Variants in ENTREP2 observed in about 807,000 individuals in gnomAD.
ENTREP2 encodes the protein protein ENTREP2.
chr15:29,443,179 G>A, the ENTREP2 span, among the ~76,000 whole-genome samples: 1 of 152,204 alleles, frequency 6.6e-6, no homozygotes, highest in Admixed American at 6.5e-5. Flanking sequence ...CACCACTCCT[G>A]TGGTCACTCT....
chr15:29,300,602 T>C, the ENTREP2 span, among the ~76,000 whole-genome samples: 1 of 152,154 alleles, frequency 6.6e-6, no homozygotes, highest in African/African-American at 2.4e-5. Context: ...CAGAACATAG[T>C]CTTTTTTTTC....
chr15:29,207,037 G>A, the ENTREP2 span, among the ~76,000 whole-genome samples: 1 of 152,032 alleles, frequency 6.6e-6, no homozygotes, highest in South Asian at 2.1e-4. Context: ...CCACTTTCCC[G>A]CGAGTGGCTC....
At chr15:29,380,683 G>A in the ENTREP2 span, among the ~76,000 whole-genome samples, 1 of 152,080 alleles carries the variant, frequency 6.6e-6, no homozygotes, top group Non-Finnish European at 1.5e-5. Context: ...GGCAATTCAA[G>A]TAACTCTTTT....
chr15:29,201,881 C>T, the ENTREP2 span, among the ~76,000 whole-genome samples: 1 of 152,106 alleles, frequency 6.6e-6, no homozygotes, highest in Non-Finnish European at 1.5e-5. Context: ...ATAGAATTCT[C>T]CAGTGAAACC....
the ENTREP2 span, among the ~76,000 whole-genome samples, chr15:29,659,768 C>T: frequency 2.0e-5 from 3 of 151,654 alleles, no homozygotes; most frequent in South Asian, 2.1e-4. Context: ...TTTTTATTAC[C>T]GTATGATATT....
the ENTREP2 span, among the ~76,000 whole-genome samples, chr15:29,577,689 C>A: frequency 6.6e-6 from 1 of 152,102 alleles, no homozygotes; most frequent in African/African-American, 2.4e-5. Flanking sequence ...ACCAAGTGTC[C>A]ATCCTTGGAT....
At chr15:29,570,663 G>C in the ENTREP2 span, 1 of 1,292,594 alleles carries the variant, frequency 7.7e-7, no homozygotes, top group Non-Finnish European at 9.8e-7. Flanking sequence ...TCGCGCAGGC[G>C]GGACAGGCTG....
chr15:29,499,034 C>T, the ENTREP2 span, among the ~76,000 whole-genome samples: 1 of 152,110 alleles, frequency 6.6e-6, no homozygotes, highest in African/African-American at 2.4e-5. Flanking sequence ...TTATGTATGT[C>T]TTTAAAGTTG....
the ENTREP2 span, among the ~76,000 whole-genome samples, chr15:29,380,955 A>G: frequency 0.29 from 43,693 of 149,904 alleles, 6,819 homozygotes; most frequent in African/African-American, 0.41. Flanking sequence ...GGGTTCAAGC[A>G]ATTCTCCTGC....
At chr15:29,325,532 T>G in the ENTREP2 span, among the ~76,000 whole-genome samples, 3 of 152,108 alleles carry the variant, frequency 2.0e-5, no homozygotes, top group African/African-American at 7.2e-5. Flanking sequence ...AACATACAAA[T>G]GACCAAAACT....
chr15:29,431,343 T>C, the ENTREP2 span, among the ~76,000 whole-genome samples: 1 of 152,186 alleles, frequency 6.6e-6, no homozygotes, highest in Non-Finnish European at 1.5e-5. Flanking sequence ...ATCTAAAATT[T>C]TGATGAAACA....
chr15:29,222,891 G>A, the ENTREP2 span, among the ~76,000 whole-genome samples: 3 of 152,228 alleles, frequency 2.0e-5, no homozygotes, highest in African/African-American at 4.8e-5. Context: ...TTAAGTTTTT[G>A]TCTGGTCTCT....
chr15:29,286,648 C>T, the ENTREP2 span, among the ~76,000 whole-genome samples: 1 of 152,228 alleles, frequency 6.6e-6, no homozygotes, highest in Non-Finnish European at 1.5e-5. Flanking sequence ...CCACGGTCCC[C>T]ACTGTAGTGC....
the ENTREP2 span, among the ~76,000 whole-genome samples, chr15:29,365,935 A>G: frequency 3.3e-5 from 5 of 152,152 alleles, no homozygotes; most frequent in Non-Finnish European, 5.9e-5. Flanking sequence ...CCCAGCATTC[A>G]CGCTGAAACA....
chr15:29,447,373 C>G, the ENTREP2 span, among the ~76,000 whole-genome samples: 623 of 152,330 alleles, frequency 4.1e-3, 2 homozygotes, highest in African/African-American at 0.014. Context: ...GTACAGGGAG[C>G]TCTGCATAGC....
the ENTREP2 span, among the ~76,000 whole-genome samples, chr15:29,390,473 G>A: frequency 6.6e-6 from 1 of 152,318 alleles, no homozygotes; most frequent in Middle Eastern, 3.4e-3. Flanking sequence ...TCAAGGAGAG[G>A]AGGCCGAACC....
chr15:29,479,835 T>C, the ENTREP2 span, among the ~76,000 whole-genome samples: 1 of 152,028 alleles, frequency 6.6e-6, no homozygotes, highest in Non-Finnish European at 1.5e-5. Flanking sequence ...AGAGAAAGGA[T>C]GTGAGGTCTG....
chr15:29,655,387 C>T, the ENTREP2 span, among the ~76,000 whole-genome samples: 1 of 152,166 alleles, frequency 6.6e-6, no homozygotes, highest in East Asian at 1.9e-4. Flanking sequence ...ATTGACTCAG[C>T]TCCCCACACT....
chr15:29,639,769 T>TTTTTTTC, the ENTREP2 span, among the ~76,000 whole-genome samples: 4 of 115,032 alleles, frequency 3.5e-5, no homozygotes, highest in Admixed American at 8.2e-5. Flanking sequence ...TTTTGTTTGC[T>TTTTTTTC]TTTTTTTTTT....
Sources: allele counts gnomAD v4.1 joint callset (sites outside exome capture counted in the v4.1 genomes callset), GRCh38; gene constraint gnomAD v4.1.1; transcripts MANE v1.5; gene names NCBI Gene and HGNC (gene_info 2026-07-23, HGNC 2026-07-21).